SMC4: variants seen among roughly 807,000 people sequenced by gnomAD.
SMC4 encodes the protein structural maintenance of chromosomes protein 4.
In SMC4, 87 loss-of-function variants were observed where a neutral mutation model predicts 145.6. The ratio of observed to expected loss-of-function variants is 0.60; its 90% CI spans 0.50 to 0.71. The LOEUF (loss-of-function observed/expected upper bound fraction) is 0.71, where lower values mean the gene tolerates loss of function less well. Ranked by LOEUF, SMC4 falls within the 30% of genes least tolerant of loss-of-function variation. The pLI is 0.00. For missense variants in SMC4, 1,447 were observed against 1,537.1 expected (o/e 0.94, Z 0.98); for synonymous variants, 558 against 500.7 (o/e 1.11, Z -1.53).
chr3:160,403,145 T>A lies in SMC4; in HGVS notation c.510+278T>A, dbSNP rs568859474. On this transcript the variant is annotated intron_variant, in intron 4 of 23. Coordinates refer to ENST00000357388, the MANE Select transcript of SMC4 (RefSeq NM_001002800.3). The stretch of plus-strand genomic sequence containing the variant: ...GTCCTGAGTACTAAATAGGCATTAT[T>A]TTACTATAAATATTCAGTTCATTTT... 1.2e-4 allele frequency among the ~76,000 whole-genome samples: 18 copies of A among 152,288 alleles called. No homozygotes were observed. The South Asian group carries it at 3.5e-3, about 30-fold the overall frequency.
At chr3:160,430,914 T>G in intron 19 of SMC4, 118 bp from the exon 20 acceptor site, 1 of 1,262,220 alleles carries the variant, frequency 7.9e-7, no homozygotes, top group Non-Finnish European at 1.1e-6. Context: ...TTTAAATGCT[T>G]AAATTATTTT....
rs1560003326 is a variant in SMC4 at position 160,419,381 on chromosome 3, TACACAA to T, written c.1696_1701del (p.Thr566_Gln567del). The T allele has an allele frequency of 1.3e-6, 2 of 1,591,162 alleles. No homozygotes were observed. The highest frequency in any genetic ancestry group is 2.7e-5 in the African/African-American group (2 of 72,972). On this transcript the variant is annotated inframe_deletion, in exon 12 of 24. Coordinates refer to ENST00000357388, the MANE Select transcript of SMC4 (RefSeq NM_001002800.3). Reference sequence around the variant, plus strand: ...AGAAAGAAAAAGAACTTCAAAAACTTACACAAGAAGAAACAAACTTTAAAAGTTTGG... The same window carrying T: ...AGAAAGAAAAAGAACTTCAAAAACTTGAAGAAACAAACTTTAAAAGTTTGG...
intron 5 of SMC4, among the ~76,000 whole-genome samples, chr3:160,406,940 T>C (rs891251831): frequency 3.3e-5 from 5 of 152,198 alleles, no homozygotes; most frequent in Admixed American, 2.6e-4. Flanking sequence ...GACCATTGTG[T>C]TTTTTATAAT....
In SMC4 at chr3:160,419,363, AAAAG is replaced by A. The variant is rs1435523459; in HGVS notation, c.1680_1683del (p.Lys560AsnfsTer30). 2.5e-6 allele frequency: 4 copies of A among 1,583,118 alleles called. No individual in the cohort carries two copies. Among genetic ancestry groups the A allele is most frequent in the Non-Finnish European group, 3.4e-6 (4 of 1,169,552 alleles). On this transcript the variant is annotated frameshift_variant, in exon 12 of 24. Coordinates refer to ENST00000357388, the MANE Select transcript of SMC4 (RefSeq NM_001002800.3). LOFTEE classifies it high-confidence loss of function. ...CATTTTATTTTCACTTTTAGAAAGA[AAAAG>A]AACTTCAAAAACTTACACAAGAAGA...
chr3:160,400,737 C>G, intron 1 of SMC4, 85 bp from the exon 2 acceptor site: 2 of 1,385,510 alleles, frequency 1.4e-6, no homozygotes, highest in South Asian at 1.6e-5. Flanking sequence ...TCTCGGAAGC[C>G]GGTGGACCGA....
chr3:160,412,581 A>T, intron 7 of SMC4, 128 bp downstream of exon 7: 1 of 1,350,140 alleles, frequency 7.4e-7, no homozygotes, highest in Non-Finnish European at 9.6e-7. Context: ...GTTTTGTGTG[A>T]CTGAATGTGT....
intron 5 of SMC4, 103 bp downstream of exon 5, chr3:160,404,607 T>C: frequency 1.0e-6 from 1 of 985,532 alleles, no homozygotes; most frequent in Non-Finnish European, 1.6e-6. Flanking sequence ...TAAAGTACTG[T>C]AGCAGCACAT....
In SMC4 at chr3:160,433,849, AC is replaced by A; in HGVS notation, c.*41del. On this transcript the variant is annotated 3_prime_UTR_variant, in exon 24 of 24. Transcript: ENST00000357388. The stretch of plus-strand genomic sequence containing the variant: ...ATTCTTCAAGTTGATTCAGTGTATT[AC>A]TGATTTTTTTCTATTTGTAAAGGAT... 1 of 1,506,668 alleles carries A rather than the reference AC, an allele frequency of 6.6e-7. No individual in the cohort carries two copies. The highest frequency in any genetic ancestry group is 9.0e-7 in the Non-Finnish European group (1 of 1,105,376). 93.3% of individuals were successfully genotyped at this position (1,506,668 alleles called of 1,614,324 possible). A position where few individuals can be genotyped will look rare whatever the true frequency, so the allele number is the denominator to read the frequency against.
intron 3 of SMC4, 144 bp from the exon 4 acceptor site, chr3:160,402,532 A>G: frequency 1.4e-6 from 1 of 735,148 alleles, no homozygotes; most frequent in African/African-American, 1.8e-5. Context: ...CTCAAGTCGT[A>G]TGCCTGTGAT....
intron 2 of SMC4, among the ~76,000 whole-genome samples, chr3:160,401,707 T>G (rs1464973577): frequency 2.0e-5 from 3 of 152,170 alleles, no homozygotes; most frequent in African/African-American, 7.2e-5. Context: ...TCTTTTTTAG[T>G]AAAACCAAGC....
chr3:160,431,890 C>A, intron 21 of SMC4, 65 bp downstream of exon 21: 1 of 1,490,734 alleles, frequency 6.7e-7, no homozygotes, highest in Non-Finnish European at 9.1e-7. Flanking sequence ...AAATTCTGAT[C>A]TTTAGTTTTG....
At chr3:160,420,526 G>T in intron 12 of SMC4, 1 of 450,428 alleles carries the variant, frequency 2.2e-6, no homozygotes, top group East Asian at 4.2e-5. Flanking sequence ...TTCATAAAAT[G>T]AAAACAGTTC....
At chr3:160,400,795 T>G in intron 1 of SMC4, 27 bp from the exon 2 acceptor site, 1 of 1,485,378 alleles carries the variant, frequency 6.7e-7, no homozygotes, top group South Asian at 1.3e-5. Flanking sequence ...GCGGGCTGAC[T>G]TGCTCCCGGC....
At chr3:160,432,143 C>T (rs747692270) in intron 21 of SMC4, 140 bp from the exon 22 acceptor site, 1 of 676,534 alleles carries the variant, frequency 1.5e-6, no homozygotes, top group Non-Finnish European at 2.5e-6. Flanking sequence ...TGGAGGTTGC[C>T]GTGAGCCGAG....
intron 4 of SMC4, among the ~76,000 whole-genome samples, chr3:160,403,500 A>G (rs997747896): frequency 5.9e-5 from 9 of 152,166 alleles, no homozygotes; most frequent in Non-Finnish European, 1.2e-4. Context: ...TGGAACCTAA[A>G]AATATAGAAA....
rs1313117131 is a variant in SMC4 at position 160,413,689 on chromosome 3, T to A, written c.1121+76T>A. On this transcript the variant is annotated intron_variant, in intron 8 of 23. Transcript: ENST00000357388. Reference sequence around the variant, plus strand: ...GTGTATTTATATATAAAGTTACTTCTAGCACATTGTGAGTGTAAGACATTT... The same window carrying A: ...GTGTATTTATATATAAAGTTACTTCAAGCACATTGTGAGTGTAAGACATTT... 11 of 859,124 alleles carry A rather than the reference T, an allele frequency of 1.3e-5. No homozygotes were observed. In the African/African-American group the frequency reaches 1.4e-4, roughly 11 times the overall value. The allele number at this position is 859,124 out of a possible 1,614,324, so 53.2% of individuals were successfully genotyped here. A position where few individuals can be genotyped will look rare whatever the true frequency, so the allele number is the denominator to read the frequency against.
chr3:160,408,732 T>C (rs563048744), intron 5 of SMC4, among the ~76,000 whole-genome samples: 1 of 152,318 alleles, frequency 6.6e-6, no homozygotes, highest in East Asian at 1.9e-4. Context: ...AGGAATCCTT[T>C]AGGCACAGAC....
intron 4 of SMC4, 34 bp from the exon 5 acceptor site, chr3:160,404,294 A>G: frequency 6.3e-7 from 1 of 1,577,922 alleles, no homozygotes; most frequent in Non-Finnish European, 8.6e-7. Flanking sequence ...TAATACCAAC[A>G]ATTGTTTTCT....
Position 160,419,387 on chromosome 3 carries a change from A to G in SMC4, c.1701A>G (p.Gln567=), listed in dbSNP as rs1407226471. 3.8e-6 allele frequency: 6 copies of G among 1,599,486 alleles called. No individual in the cohort carries two copies. The highest frequency in any genetic ancestry group is 2.2e-5 in the East Asian group (1 of 44,708). Residue 567 remains glutamine (Q), a synonymous_variant, in exon 12 of 24, where the codon CAA becomes CAG. Transcript: ENST00000357388. ...AAAAAGAACTTCAAAAACTTACACA[A>G]GAAGAAACAAACTTTAAAAGTTTGG... is the stretch of plus-strand genomic sequence containing the variant. ...EKEKELQKLT[Q]EETNFKSLVH... is the part of the protein sequence containing the mutation.
Sources: gnomAD v4.1 joint callset for allele counts (sites outside exome capture counted in the v4.1 genomes callset) on GRCh38, gnomAD v4.1.1 for gene constraint, MANE v1.5 for transcripts, NCBI Gene and HGNC (gene_info 2026-07-23, HGNC 2026-07-21) for gene names.